The following CXCR4 variants were observed in gnomAD, a reference collection of about 807,000 sequenced individuals.
CXCR4 encodes C-X-C chemokine receptor type 4.
Under a neutral mutation model 22.4 loss-of-function variants are expected in CXCR4, and 6 were observed. The ratio of observed to expected loss-of-function variants is 0.27; its 90% CI spans 0.15 to 0.53. The LOEUF (loss-of-function observed/expected upper bound fraction) is 0.53. Ranked by LOEUF, CXCR4 falls within the 20% of genes least tolerant of loss-of-function variation. The pLI is 0.96. For missense variants in CXCR4, 300 were observed against 430.4 expected (o/e 0.70, Z 2.68); for synonymous variants, 155 against 171.7 (o/e 0.90, Z 0.76).
chr2:136,117,367 C>G (rs2104920682), intron 1 of CXCR4, among the ~76,000 whole-genome samples: 2 of 152,048 alleles, frequency 1.3e-5, no homozygotes, highest in East Asian at 1.9e-4. Context: ...TTTTCCCCCT[C>G]AAACCCAAAG....
intron 1 of CXCR4, chr2:136,117,558 A>C (rs1453662363): frequency 6.2e-6 from 1 of 161,280 alleles, no homozygotes; most frequent in Admixed American, 6.5e-5. Context: ...CCAGGCGCTT[A>C]ACCCCGAAGT....
intron 1 of CXCR4, chr2:136,117,396 C>A (rs2104920742): frequency 6.6e-6 from 1 of 152,292 alleles, no homozygotes; most frequent in Admixed American, 6.5e-5. Context: ...CGGATCAACT[C>A]CTAGCTGCTG....
intron 1 of CXCR4, chr2:136,117,566 A>G (rs1684945305): frequency 6.2e-6 from 1 of 160,868 alleles, no homozygotes; most frequent in Admixed American, 6.5e-5. Flanking sequence ...TTAACCCCGA[A>G]GTTAAAGCGG....
chr2:136,115,108 A>G lies in CXCR4; in HGVS notation c.820T>C (p.Cys274Arg). 6.2e-7 allele frequency: 1 copy of G among 1,614,158 alleles called. No individual in the cohort carries two copies. The highest frequency in any genetic ancestry group is 8.5e-7 in the Non-Finnish European group (1 of 1,180,036). ...TTGTGCACAGTGTTCTCAAACTCAC[A>G]CCCTTGCTTGATGATTTCCAGGAGG... Reference protein sequence around the residue: ...FILLEIIKQGCEFENTVHKWI... With the variant: ...FILLEIIKQGREFENTVHKWI... The change falls in exon 2 of 2, where the codon TGT becomes CGT. Residue 274 changes from cysteine (C) to arginine (R), a missense_variant. This residue lies in a region of CXCR4 where 137 missense variants were observed against 153.2 expected (regional missense o/e 0.89). Coordinates refer to ENST00000241393, the MANE Select transcript of CXCR4 (RefSeq NM_003467.3). The surrounding 1 kb of genome is among the most constrained non-coding windows in gnomAD (Gnocchi z 6.4).
chr2:136,117,460 G>A (rs537642531), intron 1 of CXCR4: 1 of 152,440 alleles, frequency 6.6e-6, no homozygotes, highest in Non-Finnish European at 1.5e-5. Context: ...CGCCTCTCCC[G>A]CCCTCTGCCT....
At chr2:136,117,112 T>G (rs1379425621) in intron 1 of CXCR4, among the ~76,000 whole-genome samples, 1 of 151,916 alleles carries the variant, frequency 6.6e-6, no homozygotes, top group Admixed American at 6.6e-5. Context: ...AGCCAAACGG[T>G]TTCCCCACTT....
At chr2:136,116,104 G>A in intron 1 of CXCR4, 192 bp from the exon 2 acceptor site, 1 of 1,493,338 alleles carries the variant, frequency 6.7e-7, no homozygotes, top group Non-Finnish European at 8.9e-7. Context: ...TTTTCCCATA[G>A]TGACTTCATT....
Position 136,115,861 on chromosome 2 carries a change from A to G in CXCR4, c.67T>C (p.Ser23Pro), listed in dbSNP as rs748493255. 2 of 1,614,184 alleles carry G rather than the reference A, an allele frequency of 1.2e-6. No homozygotes were observed. The highest frequency in any genetic ancestry group is 1.1e-5 in the South Asian group (1 of 91,074). The change falls in exon 2 of 2, where the codon TCC (serine) becomes CCC (proline). Residue 23 changes from serine to proline, a missense_variant. Around this residue, in one of 3 missense-constraint regions of CXCR4, gnomAD observed 118 missense variants for 188.2 expected, o/e 0.63. Coordinates refer to ENST00000241393, the MANE Select transcript of CXCR4 (RefSeq NM_003467.3). The surrounding 1 kb of genome is among the most constrained non-coding windows in gnomAD (Gnocchi z 6.4). ...TEEMGSGDYDSMKEPCFREEN... is the reference protein window; with the variant it reads ...TEEMGSGDYDPMKEPCFREEN... ...TCACGGAAACAGGGTTCCTTCATGG[A>G]GTCATAGTCCCCTGAGCCCATTTCC...
chr2:136,116,492 C>T (rs1573615490), intron 1 of CXCR4, among the ~76,000 whole-genome samples: 1 of 152,142 alleles, frequency 6.6e-6, no homozygotes, highest in Admixed American at 6.5e-5. Flanking sequence ...GGGCTTCAAG[C>T]AACTTGTAGT....
rs1340632491 is a variant in CXCR4 at position 136,114,593 on chromosome 2, G to A, written c.*276C>T. On this transcript the variant is annotated 3_prime_UTR_variant, in exon 2 of 2. Transcript: ENST00000241393. ...TCTAGCTTTACGTGATTCACTACAC[G>A]CTCTGGAATGTTCAGTTCCCTTTTC... 6 of 336,086 alleles carry A rather than the reference G, an allele frequency of 1.8e-5. No individual in the cohort carries two copies. The South Asian group carries it at 1.8e-4, about 10-fold the overall frequency. 20.8% of individuals were successfully genotyped at this position (336,086 alleles called of 1,614,324 possible). A position where few individuals can be genotyped will look rare whatever the true frequency, so the allele number is the denominator to read the frequency against.
intron 1 of CXCR4, 100 bp downstream of exon 1, chr2:136,117,945 AC>A: frequency 1.1e-6 from 1 of 900,980 alleles, no homozygotes; most frequent in Non-Finnish European, 1.6e-6. Flanking sequence ...GAGTACGGGT[AC>A]CTCCAATGTC....
chr2:136,116,268 T>G, intron 1 of CXCR4: 2 of 1,155,894 alleles, frequency 1.7e-6, no homozygotes, highest in Non-Finnish European at 2.2e-6. Flanking sequence ...AAAAAAAAAA[T>G]ACACACAAAG....
Position 136,114,803 on chromosome 2 carries a change from A to C in CXCR4, c.*66T>G, listed in dbSNP as rs1804029. On this transcript the variant is annotated 3_prime_UTR_variant, in exon 2 of 2. Coordinates refer to ENST00000241393, the MANE Select transcript of CXCR4 (RefSeq NM_003467.3). ...TGTACAATATTGGTCAGTCTTTTAT[A>C]TCTGAAAAATGTGTAACTTAAAAAA... The C allele has an allele frequency of 3.5e-6, 5 of 1,408,522 alleles. No individual in the cohort carries two copies. Among genetic ancestry groups the C allele is most frequent in the Middle Eastern group, 2.3e-4 (1 of 4,256 alleles). The allele number at this position is 1,408,522 out of a possible 1,614,324, so 87.3% of individuals were successfully genotyped here.
rs1206360751 is a variant in CXCR4, at chr2:136,114,992, A to G, written c.936T>C (p.Ser312=). The G allele has an allele frequency of 6.2e-7, 1 of 1,614,210 alleles. No individual in the cohort carries two copies. Among genetic ancestry groups the G allele is most frequent in the Non-Finnish European group, 8.5e-7 (1 of 1,180,032 alleles). ...TCACAGAGGTGAGTGCGTGCTGGGC[A>G]GAGGTTTTAAATTTGGCTCCAAGGA... The part of the protein sequence containing the change: ...YAFLGAKFKT[S]AQHALTSVSR... The change falls in exon 2 of 2, where the codon TCT becomes TCC. Residue 312 remains serine (S), a synonymous_variant. Transcript: ENST00000241393.
At chr2:136,116,699 A>C (rs575479606) in intron 1 of CXCR4, among the ~76,000 whole-genome samples, 1 of 152,124 alleles carries the variant, frequency 6.6e-6, no homozygotes, top group African/African-American at 2.4e-5. Context: ...CTGGGTGGAG[A>C]AGGTAACGGG....
chr2:136,115,491 C>T lies in CXCR4; in HGVS notation c.437G>A (p.Arg146Lys), dbSNP rs542113929. The change falls in exon 2 of 2, where the codon AGG (arginine) becomes AAG (lysine). Residue 146 changes from arginine to lysine, a missense_variant. By Grantham distance (26) the Arg-to-Lys change is conservative (BLOSUM62 2). Transcript: ENST00000241393. This position sits in a 1 kb window ranked among gnomAD's most constrained non-coding sequence, Gnocchi z 6.4. ...LAIVHATNSQ[R>K]PRKLLAEKVV... ...CTTTTCAGCCAACAGCTTCCTTGGC[C>T]TCTGACTGTTGGTGGCGTGGACGAT... 1.9e-6 allele frequency: 3 copies of T among 1,614,198 alleles called. No homozygotes were observed. In the South Asian group the frequency reaches 3.3e-5, roughly 18 times the overall value.
At chr2:136,116,868 G>T (rs1257056366) in intron 1 of CXCR4, among the ~76,000 whole-genome samples, 1 of 152,134 alleles carries the variant, frequency 6.6e-6, no homozygotes, top group Non-Finnish European at 1.5e-5. Context: ...GCCCCGGGCC[G>T]CCGCGGCTGC....
intron 1 of CXCR4, among the ~76,000 whole-genome samples, chr2:136,117,108 A>G (rs1242104644): frequency 2.0e-5 from 3 of 152,160 alleles, no homozygotes; most frequent in South Asian, 4.1e-4. Context: ...AGAGAGCCAA[A>G]CGGTTTCCCC....
intron 1 of CXCR4, chr2:136,117,495 T>C (rs1236636389): frequency 6.5e-6 from 1 of 153,906 alleles, no homozygotes; most frequent in African/African-American, 2.4e-5. Flanking sequence ...CTGGCACAGC[T>C]CCGTCGGCCG....
Sources: gnomAD v4.1 joint callset for allele counts (sites outside exome capture counted in the v4.1 genomes callset) on GRCh38, gnomAD v4.1.1 for gene constraint, gnomAD v4.1.1 regional missense constraint, Gnocchi (gnomAD v3.1) non-coding constraint, MANE v1.5 for transcripts, NCBI Gene and HGNC (gene_info 2026-07-23, HGNC 2026-07-21) for gene names.